Variants in SEMA4D observed in about 807,000 individuals in gnomAD.
The protein encoded by SEMA4D is semaphorin 4D.
Under a neutral mutation model 74.8 loss-of-function variants are expected in SEMA4D, and 22 were observed. The observed-to-expected ratio is 0.29, with a 90% CI of 0.21 to 0.42. The LOEUF (loss-of-function observed/expected upper bound fraction) is 0.42, where lower values mean the gene tolerates loss of function less well. Ranked by LOEUF, SEMA4D falls within the 10% of genes least tolerant of loss-of-function variation. SEMA4D has a pLI of 1.00. For missense variants in SEMA4D, 937 were observed against 1,118.4 expected (o/e 0.84, Z 2.31); for synonymous variants, 445 against 463.7 (o/e 0.96, Z 0.52).
chr9:89,404,648 T>C (rs13286884), intron 3 of SEMA4D, among the ~76,000 whole-genome samples: 3 of 113,606 alleles, frequency 2.6e-5, no homozygotes, highest in Non-Finnish European at 3.6e-5. Flanking sequence ...CATCCCGACC[T>C]CAGCCACTCA....
intron 3 of SEMA4D, among the ~76,000 whole-genome samples, chr9:89,404,323 C>T (rs746128912): frequency 3.9e-5 from 6 of 152,136 alleles, no homozygotes; most frequent in African/African-American, 9.7e-5. Context: ...TTACTAGGTA[C>T]GAGGGAGGGA....
chr9:89,463,655 G>C (rs1413995679), intron 1 of SEMA4D, among the ~76,000 whole-genome samples: 1 of 152,234 alleles, frequency 6.6e-6, no homozygotes, highest in East Asian at 1.9e-4. Flanking sequence ...CAAATGGTGG[G>C]CCGGGCATGG....
intron 16 of SEMA4D, chr9:89,368,751 C>A (rs2132364210): frequency 6.6e-6 from 1 of 152,476 alleles, no homozygotes; most frequent in South Asian, 2.1e-4. Flanking sequence ...CTGGACCAGC[C>A]CCAGCGCTTC....
chr9:89,422,181 T>A (rs971908300), intron 2 of SEMA4D, among the ~76,000 whole-genome samples: 6 of 152,240 alleles, frequency 3.9e-5, no homozygotes, highest in Non-Finnish European at 7.3e-5. Context: ...GAAGATTTCA[T>A]CAAAATGGAA....
At chr9:89,387,304 GAAT>G in intron 12 of SEMA4D, 79 bp downstream of exon 12, 5 of 1,235,158 alleles carry the variant, frequency 4.0e-6, no homozygotes, top group Non-Finnish European at 5.7e-6. Flanking sequence ...ACTCACGAAA[GAAT>G]AATTGGATTT....
At chr9:89,437,283 T>A (rs182229948) in intron 2 of SEMA4D, among the ~76,000 whole-genome samples, 1 of 152,356 alleles carries the variant, frequency 6.6e-6, no homozygotes. Flanking sequence ...TTTATTTTTC[T>A]GCAGGCCAGG....
chr9:89,415,433 C>T (rs1454603575), intron 2 of SEMA4D, among the ~76,000 whole-genome samples: 3 of 152,156 alleles, frequency 2.0e-5, no homozygotes, highest in Non-Finnish European at 4.4e-5. Context: ...AAAGGTGATA[C>T]TATGGTCTGA....
chr9:89,370,604 ATG>A (rs544390923), intron 16 of SEMA4D, among the ~76,000 whole-genome samples: 131 of 141,358 alleles, frequency 9.3e-4, no homozygotes, highest in Non-Finnish European at 1.5e-3. Flanking sequence ...TGTGTGTGGT[ATG>A]TGTGTCTGGG....
intron 1 of SEMA4D, among the ~76,000 whole-genome samples, chr9:89,466,225 C>G (rs968706851): frequency 6.6e-6 from 1 of 152,186 alleles, no homozygotes; most frequent in South Asian, 2.1e-4. Flanking sequence ...ATGACACACA[C>G]AAACATAATT....
intron 1 of SEMA4D, among the ~76,000 whole-genome samples, chr9:89,478,689 C>A (rs1862372433): frequency 6.6e-6 from 1 of 152,002 alleles, no homozygotes; most frequent in African/African-American, 2.4e-5. Flanking sequence ...CTCACTGCAC[C>A]CTTGTTAGGG....
intron 2 of SEMA4D, among the ~76,000 whole-genome samples, chr9:89,449,372 C>A (rs558108770): frequency 2.0e-5 from 3 of 152,236 alleles, no homozygotes; most frequent in Admixed American, 6.5e-5. Context: ...TTAGATCCTA[C>A]ACCTACCAGG....
rs577712211 is a variant in SEMA4D, at chr9:89,387,839, A to G, written c.1108-231T>C. On this transcript the variant is annotated intron_variant, in intron 11 of 15. Transcript: ENST00000422704. The stretch of plus-strand genomic sequence containing the variant: ...TGCAAGACAGAATTGCATTCACGAT[A>G]CATACTCAGGGAAGGAATTTTTATC... Among the ~76,000 whole-genome samples, 3 of 152,396 alleles carry G rather than the reference A, an allele frequency of 2.0e-5. No homozygotes were observed. The East Asian group carries it at 5.8e-4, about 29-fold the overall frequency.
At chr9:89,450,266 G>A in intron 2 of SEMA4D, 1 of 1,000,754 alleles carries the variant, frequency 1.0e-6, no homozygotes, top group Non-Finnish European at 1.6e-6. Flanking sequence ...GAAAGGGCAA[G>A]ACCAAGGATG....
chr9:89,421,926 C>T (rs1427662653), intron 2 of SEMA4D, among the ~76,000 whole-genome samples: 1 of 152,212 alleles, frequency 6.6e-6, no homozygotes, highest in Non-Finnish European at 1.5e-5. Context: ...AAGGAGTGTG[C>T]TTCATTTTTC....
rs58941803 is a variant in SEMA4D at position 89,417,327 on chromosome 9, C to G, written c.-243-11628G>C. On this transcript the variant is annotated intron_variant, in intron 2 of 15. Transcript: ENST00000422704. ...ATCTAGCCAATAAGCACAGAAAGTG[C>G]TGTCTCCCTGGCAGTGATGCTGTGC... Among the ~76,000 whole-genome samples, 1,280 of 152,326 alleles carry G rather than the reference C, an allele frequency of 8.4e-3. 13 individuals are homozygous for G. Among genetic ancestry groups the G allele is most frequent in the African/African-American group, 0.029 (1,191 of 41,556 alleles).
intron 13 of SEMA4D, among the ~76,000 whole-genome samples, chr9:89,383,275 C>A (rs1447176162): frequency 1.3e-5 from 2 of 152,142 alleles, no homozygotes; most frequent in Non-Finnish European, 2.9e-5. Flanking sequence ...CACTCTCCCC[C>A]ACCCCCAGTG....
At chr9:89,370,892 G>T (rs539631512) in intron 16 of SEMA4D, among the ~76,000 whole-genome samples, 2 of 145,130 alleles carry the variant, frequency 1.4e-5, no homozygotes, top group Non-Finnish European at 3.0e-5. Context: ...TGTCTGGGAT[G>T]TGTGGCATGT....
chr9:89,394,605 G>T (rs932258559), intron 6 of SEMA4D, among the ~76,000 whole-genome samples: 2 of 152,236 alleles, frequency 1.3e-5, no homozygotes, highest in African/African-American at 4.8e-5. Flanking sequence ...CCCACGGCGG[G>T]GCAAGGGCAC....
At position 89,399,231 on chromosome 9, in the gene SEMA4D, GA is replaced by G. The variant is rs555432362; in HGVS notation, c.315+44del. 748 of 1,527,900 alleles carry G rather than the reference GA, an allele frequency of 4.9e-4. 4 individuals are homozygous for G. The African/African-American group carries it at 8.1e-3, about 17-fold the overall frequency. 94.6% of individuals were successfully genotyped at this position (1,527,900 alleles called of 1,614,324 possible). The stretch of plus-strand genomic sequence containing the variant: ...GCATTCAGTAGATTAAAACAACCAA[GA>G]AATACTTGAATGGGATTCTTTGTAG... On this transcript the variant is annotated intron_variant, in intron 5 of 15. Transcript: ENST00000422704.
Sources: gnomAD v4.1 joint callset for allele counts (sites outside exome capture counted in the v4.1 genomes callset) on GRCh38, gnomAD v4.1.1 for gene constraint, MANE v1.5 for transcripts, NCBI Gene and HGNC (gene_info 2026-07-23, HGNC 2026-07-21) for gene names.